Variants in PI4KA observed in about 807,000 individuals in gnomAD.
The protein encoded by PI4KA is PI4-kinase alpha.
In PI4KA, 122 loss-of-function variants were observed where a neutral mutation model predicts 271.4. That is an observed-to-expected ratio of 0.45 (90% CI 0.39 to 0.52). The LOEUF (loss-of-function observed/expected upper bound fraction) is 0.52. Ranked by LOEUF, PI4KA falls within the 20% of genes least tolerant of loss-of-function variation. The pLI is 0.00. For synonymous variants in PI4KA, 1,041 were observed against 1,078.8 expected (o/e 0.96, Z 0.69); for missense variants, 1,969 against 2,769.1 (o/e 0.71, Z 6.48).
intron 19 of PI4KA, among the ~76,000 whole-genome samples, chr22:20,773,551 A>G (rs868449663): frequency 6.6e-6 from 1 of 152,192 alleles, no homozygotes. Context: ...ACTGGCAACA[A>G]ACACAGCAAC....
intron 27 of PI4KA, among the ~76,000 whole-genome samples, chr22:20,750,393 A>C (rs757258334): frequency 1.6e-4 from 25 of 152,234 alleles, no homozygotes; most frequent in Non-Finnish European, 3.2e-4. Context: ...TTCGGCCCTC[A>C]GAACTGTAAG....
intron 3 of PI4KA, among the ~76,000 whole-genome samples, chr22:20,824,676 C>CA (rs1038340144): frequency 6.6e-6 from 1 of 150,710 alleles, no homozygotes; most frequent in Non-Finnish European, 1.5e-5. Flanking sequence ...TGTGAGATAA[C>CA]AAAGCCTCTC....
intron 28 of PI4KA, among the ~76,000 whole-genome samples, chr22:20,749,032 G>A (rs1017088043): frequency 1.7e-4 from 26 of 152,222 alleles, no homozygotes; most frequent in African/African-American, 6.3e-4. Context: ...TCTATCAGCT[G>A]CTTTTTTTGT....
At chr22:20,816,438 T>C (rs1184919372) in intron 7 of PI4KA, among the ~76,000 whole-genome samples, 1 of 152,072 alleles carries the variant, frequency 6.6e-6, no homozygotes, top group African/African-American at 2.4e-5. Flanking sequence ...CTAAAAACAA[T>C]TCTTAAAAAC....
chr22:20,807,297 C>T (rs1017940702), intron 10 of PI4KA, 65 bp downstream of exon 10: 106 of 975,560 alleles, frequency 1.1e-4, no homozygotes, highest in Admixed American at 1.6e-4. Flanking sequence ...CAACCACTAG[C>T]ATGCGACAGT....
Position 20,858,571 on chromosome 22 carries a change from T to G in PI4KA, c.155A>C (p.Lys52Thr), listed in dbSNP as rs2082566990. Residue 52 changes from lysine to threonine, a missense_variant and splice_region_variant, in exon 1 of 55, where the codon AAG becomes ACG. This residue lies in a region of PI4KA where 540 missense variants were observed against 555.5 expected (regional missense o/e 0.97). Transcript: ENST00000255882. ...CGCGGCCCAGCCCGCCGACGTTACC[T>G]TCTCCAAGGATGCTGGTCTCTGCAC... ...LAVQRPASLE[K>T]VQKLLCMCPV... 3 of 1,391,910 alleles carry G rather than the reference T, an allele frequency of 2.2e-6. No individual in the cohort carries two copies. Among genetic ancestry groups the G allele is most frequent in the Non-Finnish European group, 2.8e-6 (3 of 1,068,732 alleles). The allele number at this position is 1,391,910 out of a possible 1,614,324, so 86.2% of individuals were successfully genotyped here. A position where few individuals can be genotyped will look rare whatever the true frequency, so the allele number is the denominator to read the frequency against.
chr22:20,825,309 G>A (rs1039790350), intron 3 of PI4KA, among the ~76,000 whole-genome samples: 1 of 152,034 alleles, frequency 6.6e-6, no homozygotes, highest in African/African-American at 2.4e-5. Context: ...CAAATTGCAG[G>A]ACAGACTGGG....
chr22:20,761,440 A>G (rs1052700223), intron 22 of PI4KA, 54 bp from the exon 23 acceptor site: 3 of 998,532 alleles, frequency 3.0e-6, no homozygotes, highest in Admixed American at 1.7e-5. Context: ...CCTCCCTATC[A>G]CAGATTTGAC....
chr22:20,797,936 C>A (rs1483035427), intron 17 of PI4KA, among the ~76,000 whole-genome samples: 1 of 152,180 alleles, frequency 6.6e-6, no homozygotes, highest in Admixed American at 6.5e-5. Flanking sequence ...CTCTTCCAAA[C>A]ACGGATGAAC....
chr22:20,730,963 C>T (rs929302338), intron 36 of PI4KA, among the ~76,000 whole-genome samples: 4 of 151,676 alleles, frequency 2.6e-5, no homozygotes, highest in African/African-American at 4.8e-5. Flanking sequence ...GATTGCTAGA[C>T]GCCAGGAGAT....
At chr22:20,828,991 G>A (rs554184331) in intron 3 of PI4KA, among the ~76,000 whole-genome samples, 67 of 152,208 alleles carry the variant, frequency 4.4e-4, no homozygotes, top group Non-Finnish European at 8.1e-4. Context: ...ACATTGTATC[G>A]ATCCTGTATC....
chr22:20,795,207 A>G (rs1201349885), intron 18 of PI4KA, among the ~76,000 whole-genome samples: 5 of 151,170 alleles, frequency 3.3e-5, no homozygotes, highest in Non-Finnish European at 7.4e-5. Context: ...TTTTGCCTTT[A>G]TTAAATGCCT....
intron 32 of PI4KA, among the ~76,000 whole-genome samples, chr22:20,735,048 G>A (rs1361062571): frequency 6.6e-6 from 1 of 152,052 alleles, no homozygotes; most frequent in Non-Finnish European, 1.5e-5. Flanking sequence ...ATGGAGCCGA[G>A]GCGAGCCTGC....
intron 19 of PI4KA, among the ~76,000 whole-genome samples, chr22:20,792,746 C>T (rs955412316): frequency 6.6e-6 from 1 of 152,186 alleles, no homozygotes; most frequent in Non-Finnish European, 1.5e-5. Flanking sequence ...ATGCCAACAA[C>T]GTCCCCTGAA....
chr22:20,827,977 C>G (rs1923661628), intron 3 of PI4KA, among the ~76,000 whole-genome samples: 2 of 151,952 alleles, frequency 1.3e-5, no homozygotes, highest in Admixed American at 6.6e-5. Context: ...GTGTTTTTAG[C>G]AGAGATGGGT....
intron 5 of PI4KA, among the ~76,000 whole-genome samples, chr22:20,820,326 CT>C (rs1260805299): frequency 1.3e-5 from 2 of 152,192 alleles, no homozygotes; most frequent in Non-Finnish European, 2.9e-5. Context: ...GGTGAAGTTA[CT>C]TGTCCAAGGT....
intron 13 of PI4KA, 147 bp downstream of exon 13, chr22:20,803,044 G>A (rs1430029482): frequency 5.3e-6 from 4 of 758,776 alleles, no homozygotes; most frequent in Middle Eastern, 6.2e-4. Flanking sequence ...GAAAGGCCTG[G>A]AGCTTGGAGG....
Position 20,755,078 on chromosome 22 carries a change from C to T in PI4KA, c.2792-1898G>A, listed in dbSNP as rs149040068. On this transcript the variant is annotated intron_variant, in intron 23 of 54. Coordinates refer to ENST00000255882, the MANE Select transcript of PI4KA (RefSeq NM_058004.4). ...TGCTAGGATTACAGGCATGAGCCAC[C>T]GTGCCCAGCCTCTTCTATTTTTATT... Among the ~76,000 whole-genome samples the T allele has an allele frequency of 2.4e-3, 362 of 152,302 alleles. 4 individuals carry two copies. The East Asian group carries it at 0.055, about 23-fold the overall frequency.
At chr22:20,710,583 G>C in intron 52 of PI4KA, 116 bp downstream of exon 52, 1 of 879,954 alleles carries the variant, frequency 1.1e-6, no homozygotes, top group South Asian at 1.7e-5. Flanking sequence ...TAGGTCAGCA[G>C]GTGGCTGCTA....
Sources: allele counts gnomAD v4.1 joint callset (sites outside exome capture counted in the v4.1 genomes callset), GRCh38; gene constraint gnomAD v4.1.1; regional missense constraint gnomAD v4.1.1; transcripts MANE v1.5; gene names NCBI Gene and HGNC (gene_info 2026-07-23, HGNC 2026-07-21).